Variants in USP28 observed in about 807,000 individuals in gnomAD.
USP28 encodes ubiquitin specific peptidase 28.
In USP28, 113 loss-of-function variants were observed where a neutral mutation model predicts 145.0. That is an observed-to-expected ratio of 0.78 (90% CI 0.67 to 0.91). The LOEUF is 0.91. Among genes scored for constraint, USP28 ranks in the 40% least tolerant of loss-of-function variants. USP28 has a pLI of 0.00. For missense variants in USP28, 1,201 were observed against 1,289.6 expected, an observed-to-expected ratio of 0.93 and a Z score of 1.05; for synonymous variants, 447 against 450.9, an observed-to-expected ratio of 0.99 and a Z score of 0.11.
At chr11:113,867,470 G>C (rs1290633014) in intron 1 of USP28, among the ~76,000 whole-genome samples, 1 of 151,872 alleles carries the variant, frequency 6.6e-6, no homozygotes, top group African/African-American at 2.4e-5. Context: ...GCTTCACCAT[G>C]TTGGCCAGGC....
intron 5 of USP28, among the ~76,000 whole-genome samples, chr11:113,838,868 G>C (rs535063968): frequency 6.6e-6 from 1 of 152,376 alleles, no homozygotes; most frequent in African/African-American, 2.4e-5. Flanking sequence ...GGATGTAGCA[G>C]ATGTGTAGAA....
At chr11:113,831,014 C>A (rs1413402823) in intron 8 of USP28, 71 bp from the exon 9 acceptor site, 1 of 1,525,662 alleles carries the variant, frequency 6.6e-7, no homozygotes, top group Non-Finnish European at 9.1e-7. Context: ...ATCCAAGCAT[C>A]ATTCAAAAGC....
intron 1 of USP28, among the ~76,000 whole-genome samples, chr11:113,861,882 G>T (rs1282320218): frequency 6.6e-6 from 1 of 152,062 alleles, no homozygotes; most frequent in Non-Finnish European, 1.5e-5. Context: ...AAAAATGAAG[G>T]AAAATACAAT....
intron 1 of USP28, among the ~76,000 whole-genome samples, chr11:113,858,437 C>A (rs928833603): frequency 6.6e-5 from 10 of 152,102 alleles, no homozygotes; most frequent in African/African-American, 2.4e-4. Context: ...CAACTACATT[C>A]AGGGGTTATA....
chr11:113,804,027 C>A (rs924656902), intron 21 of USP28, 150 bp from the exon 23 acceptor site: 6 of 655,814 alleles, frequency 9.1e-6, no homozygotes, highest in African/African-American at 1.8e-5. Flanking sequence ...TAAAAACCTA[C>A]TCAACATTTA....
At chr11:113,808,892 C>G (rs553776859) in intron 17 of USP28, among the ~76,000 whole-genome samples, 171 bp downstream of exon 17, 1 of 152,332 alleles carries the variant, frequency 6.6e-6, no homozygotes, top group East Asian at 1.9e-4. Context: ...TCAGAAATCA[C>G]ATTCTAATGC....
chr11:113,825,314 A>T (rs1943164563), intron 11 of USP28, among the ~76,000 whole-genome samples: 1 of 152,154 alleles, frequency 6.6e-6, no homozygotes, highest in Non-Finnish European at 1.5e-5. Flanking sequence ...ATTCCCACAC[A>T]CCCACTAGAT....
At chr11:113,849,566 G>A (rs894240816) in intron 3 of USP28, among the ~76,000 whole-genome samples, 12 of 152,146 alleles carry the variant, frequency 7.9e-5, no homozygotes, top group African/African-American at 2.9e-4. Context: ...TCCGTATGAG[G>A]CATGGCCCTA....
chr11:113,815,035 G>C (rs1941511100), intron 14 of USP28, 139 bp downstream of exon 14: 1 of 771,734 alleles, frequency 1.3e-6, no homozygotes, highest in Non-Finnish European at 2.0e-6. Context: ...CTGGGTGATA[G>C]AGTGAGACTC....
intron 4 of USP28, among the ~76,000 whole-genome samples, chr11:113,841,309 G>A (rs908056205): frequency 6.6e-6 from 1 of 152,174 alleles, no homozygotes; most frequent in Non-Finnish European, 1.5e-5. Context: ...ATGAGACAGG[G>A]TAGTTGAATA....
At chr11:113,822,292 A>G (rs1449052391) in intron 12 of USP28, 1 of 152,310 alleles carries the variant, frequency 6.6e-6, no homozygotes, top group African/African-American at 2.4e-5. Flanking sequence ...TCTACCAAAA[A>G]TACAAAATTA....
Position 113,802,783 on chromosome 11 carries a change from A to G in USP28, c.2862+375T>C, listed in dbSNP as rs184840730. On this transcript the variant is annotated intron_variant, in intron 23 of 24. Transcript: ENST00000003302. ...GGAAAAAATGCTGCATTCCTTCCAC[A>G]CACATTTATTACATGGTTCCTACAT... Among the ~76,000 whole-genome samples the G allele has an allele frequency of 2.9e-3, 438 of 152,342 alleles. 4 individuals carry two copies. The highest frequency in any genetic ancestry group is 9.9e-3 in the African/African-American group (411 of 41,586).
intron 18 of USP28, among the ~76,000 whole-genome samples, 164 bp downstream of exon 19, chr11:113,807,787 T>C (rs1188598286): frequency 1.3e-5 from 2 of 152,146 alleles, no homozygotes; most frequent in African/African-American, 2.4e-5. Context: ...AACATGGCTA[T>C]CTTTTAAATA....
intron 10 of USP28, chr11:113,828,753 A>G (rs1943656040): frequency 3.2e-6 from 1 of 315,270 alleles, no homozygotes; most frequent in East Asian, 8.8e-5. Flanking sequence ...AACAAATGAA[A>G]ATTAAATTTT....
At chr11:113,826,208 G>A (rs564477469) in intron 11 of USP28, among the ~76,000 whole-genome samples, 8 of 150,748 alleles carry the variant, frequency 5.3e-5, no homozygotes, top group South Asian at 2.1e-4. Context: ...GCTTGAACCC[G>A]GGAAGCAGAG....
intron 1 of USP28, chr11:113,874,392 T>A: frequency 1.1e-6 from 1 of 915,596 alleles, no homozygotes; most frequent in South Asian, 1.8e-5. Flanking sequence ...GCCACAGCAC[T>A]CCAGCCTAGG....
chr11:113,825,710 T>C (rs1308251378), intron 11 of USP28, among the ~76,000 whole-genome samples: 1 of 152,198 alleles, frequency 6.6e-6, no homozygotes, highest in Admixed American at 6.5e-5. Context: ...CCAAAAACAT[T>C]ATCCTAAAGA....
At chr11:113,850,818 C>T (rs1486925884) in intron 3 of USP28, among the ~76,000 whole-genome samples, 2 of 152,306 alleles carry the variant, frequency 1.3e-5, no homozygotes, top group Admixed American at 1.3e-4. Flanking sequence ...TTATAGGTTA[C>T]GATTCCAAGT....
intron 9 of USP28, 57 bp from the exon 10 acceptor site, chr11:113,829,402 T>C (rs754223895): frequency 6.3e-7 from 1 of 1,592,444 alleles, no homozygotes; most frequent in Non-Finnish European, 8.6e-7. Flanking sequence ...CTAAAGCCTA[T>C]CTTCTGGCTC....
Sources: allele counts gnomAD v4.1 joint callset (sites outside exome capture counted in the v4.1 genomes callset), GRCh38; gene constraint gnomAD v4.1.1; transcripts MANE v1.5; gene names NCBI Gene and HGNC (gene_info 2026-07-23, HGNC 2026-07-21).